Variants in CAND1 observed in about 807,000 individuals in gnomAD.
CAND1 encodes cullin-associated NEDD8-dissociated protein 1.
CAND1 carries 7 observed loss-of-function variants against 108.5 expected under a neutral mutation model. The ratio of observed to expected loss-of-function variants is 0.06; its 90% CI spans 0.04 to 0.12. The LOEUF is 0.12. CAND1 is among the 10% of genes least tolerant of loss of function. The pLI, the probability that CAND1 is intolerant of heterozygous loss-of-function variation, is 1.00. For synonymous variants in CAND1, 534 were observed against 512.0 expected (o/e 1.04, Z -0.58); for missense variants, 941 against 1,448.7 (o/e 0.65, Z 5.69).
At chr12:67,275,384 G>A (rs573320671) in intron 1 of CAND1, among the ~76,000 whole-genome samples, 5 of 152,064 alleles carry the variant, frequency 3.3e-5, no homozygotes, top group South Asian at 4.2e-4. Flanking sequence ...AAAATTAGCC[G>A]GGCATGGTGG....
chr12:67,278,668 A>G (rs1484288477), intron 1 of CAND1, among the ~76,000 whole-genome samples: 1 of 151,328 alleles, frequency 6.6e-6, no homozygotes, highest in African/African-American at 2.4e-5. Context: ...ACAGGTGTAC[A>G]CCACCACACC....
chr12:67,281,874 A>C, intron 1 of CAND1, 36 bp from the exon 2 acceptor site: 1 of 1,469,148 alleles, frequency 6.8e-7, no homozygotes, highest in Non-Finnish European at 9.2e-7. Context: ...TAATGCTTTA[A>C]AATTTTCAAA....
intron 2 of CAND1, among the ~76,000 whole-genome samples, chr12:67,287,005 G>A (rs925203289): frequency 6.6e-6 from 1 of 152,096 alleles, no homozygotes; most frequent in Non-Finnish European, 1.5e-5. Flanking sequence ...TGTTCCATTC[G>A]TTTATTTGTC....
Position 67,305,343 on chromosome 12 carries a change from T to C in CAND1, c.1675T>C (p.Phe559Leu), listed in dbSNP as rs1486595462. 6.2e-7 allele frequency: 1 copy of C among 1,614,028 alleles called. No homozygotes were observed. Among genetic ancestry groups the C allele is most frequent in the African/African-American group, 1.3e-5 (1 of 74,918 alleles). Residue 559 changes from phenylalanine to leucine, a missense_variant, in exon 10 of 15, where the codon TTT (phenylalanine) becomes CTT (leucine). Phe to Leu is a conservative substitution (Grantham distance 22, BLOSUM62 0). Transcript: ENST00000545606. This position sits in a 1 kb window ranked among gnomAD's most constrained non-coding sequence, Gnocchi z 4.4. ...VIRPLDQPSS[F>L]DATPYIKDLF... ...TCGTCCTTTAGATCAGCCTTCCTCG[T>C]TTGATGCAACTCCTTATATCAAAGA... is the stretch of plus-strand genomic sequence containing the variant.
chr12:67,297,259 A>G (rs1433227688), intron 4 of CAND1, 148 bp from the exon 5 acceptor site: 5 of 774,434 alleles, frequency 6.5e-6, no homozygotes, highest in Non-Finnish European at 6.7e-6. Flanking sequence ...AGATAAAGTG[A>G]TAATTTAATT....
At chr12:67,306,628 T>A (rs1312011499) in intron 10 of CAND1, 31 bp downstream of exon 10, 26 of 1,515,038 alleles carry the variant, frequency 1.7e-5, no homozygotes, top group Non-Finnish European at 2.3e-5. Context: ...ACTTAAAAAG[T>A]TTTTTATTGA....
intron 7 of CAND1, among the ~76,000 whole-genome samples, chr12:67,301,148 T>C (rs1295610656): frequency 6.6e-6 from 1 of 152,206 alleles, no homozygotes; most frequent in East Asian, 1.9e-4. Flanking sequence ...GCAGTATCTT[T>C]TAACTTTATT....
intron 1 of CAND1, among the ~76,000 whole-genome samples, chr12:67,278,494 C>G (rs1250247811): frequency 6.6e-6 from 1 of 151,630 alleles, no homozygotes; most frequent in Non-Finnish European, 1.5e-5. Context: ...GCAGTTCAGT[C>G]TAGGTCATGT....
chr12:67,302,297 C>T (rs2044832737), intron 7 of CAND1, 26 bp from the exon 8 acceptor site: 3 of 1,582,388 alleles, frequency 1.9e-6, no homozygotes, highest in Admixed American at 1.7e-5. Context: ...CATTAATAGC[C>T]TGTTTACATT....
Position 67,288,155 on chromosome 12 carries a change from T to A in CAND1, c.213-4467T>A, listed in dbSNP as rs557716149. ...TTCTGAATTTTTTTTTTTTTTTTTTTAGACTCCAGTCTGTCACCCAGGCTG... is the reference window on the plus strand; with the variant it reads ...TTCTGAATTTTTTTTTTTTTTTTTTAAGACTCCAGTCTGTCACCCAGGCTG... On this transcript the variant is annotated intron_variant, in intron 2 of 14. Transcript: ENST00000545606. Among the ~76,000 whole-genome samples the A allele has an allele frequency of 6.4e-3, 948 of 149,100 alleles. 14 individuals carry two copies. The highest frequency in any genetic ancestry group is 0.023 in the African/African-American group (904 of 39,778).
chr12:67,319,121 C>G lies in CAND1; in HGVS notation c.*6291C>G, dbSNP rs974660021. The G allele has an allele frequency of 6.6e-6, 1 of 152,102 alleles. No individual in the cohort carries two copies. The highest frequency in any genetic ancestry group is 2.4e-5 in the African/African-American group (1 of 41,410). The allele number at this position is 152,102 out of a possible 1,614,324, so 9.4% of individuals were successfully genotyped here. ...CTTGGAAACCACCACATTAAAATACCCAGAAGGCATTAATTCCCAGTCCTT... is the reference window on the plus strand; with the variant it reads ...CTTGGAAACCACCACATTAAAATACGCAGAAGGCATTAATTCCCAGTCCTT... On this transcript the variant is annotated 3_prime_UTR_variant, in exon 15 of 15. Coordinates refer to ENST00000545606, the MANE Select transcript of CAND1 (RefSeq NM_018448.5).
chr12:67,311,755 G>A lies in CAND1; in HGVS notation c.3423G>A (p.Arg1141=). ...STLCPSAVLQ[R]LDRLVEPLRA... ...TTTGTCCAAGTGCAGTACTGCAGAG[G>A]TTGGACCGACTTGTTGAGCCATTAC... The change falls in exon 14 of 15, where the codon AGG becomes AGA. Residue 1141 remains arginine, a synonymous_variant. Transcript: ENST00000545606. The A allele has an allele frequency of 6.2e-7, 1 of 1,612,424 alleles. No individual in the cohort carries two copies. Among genetic ancestry groups the A allele is most frequent in the Non-Finnish European group, 8.5e-7 (1 of 1,178,580 alleles).
chr12:67,316,456 G>A lies in CAND1; in HGVS notation c.*3626G>A, dbSNP rs536122113. On this transcript the variant is annotated 3_prime_UTR_variant, in exon 15 of 15. Transcript: ENST00000545606. ...AAAAGATTTTGTAAACACCTTTGCT[G>A]TAGTTTCAGGCAAGATCTTTCAGCA... The A allele has an allele frequency of 2.0e-5, 3 of 152,286 alleles. No homozygotes were observed. Among genetic ancestry groups the A allele is most frequent in the East Asian group, 3.9e-4 (2 of 5,192 alleles). 9.4% of individuals were successfully genotyped at this position (152,286 alleles called of 1,614,324 possible).
In CAND1 at chr12:67,274,587, T is replaced by C. The variant is rs191777863; in HGVS notation, c.68+4802T>C. Among the ~76,000 whole-genome samples the C allele has an allele frequency of 1.5e-3, 222 of 152,312 alleles. 2 individuals are homozygous for C. The highest frequency in any genetic ancestry group is 1.6e-3 in the Non-Finnish European group (106 of 68,024). On this transcript the variant is annotated intron_variant, in intron 1 of 14. Transcript: ENST00000545606. ...TCAGTAGGTGCTTGTTTAAGTAGAA[T>C]TGGGTTTTATTTCCATTATATAGGG... is the stretch of plus-strand genomic sequence containing the variant.
chr12:67,291,432 G>T (rs985657022), intron 2 of CAND1, among the ~76,000 whole-genome samples: 1 of 152,164 alleles, frequency 6.6e-6, no homozygotes, highest in Non-Finnish European at 1.5e-5. Flanking sequence ...GAAAGAAAGG[G>T]TCAAAGTTGG....
At chr12:67,301,169 T>C (rs987304085) in intron 7 of CAND1, among the ~76,000 whole-genome samples, 2 of 152,170 alleles carry the variant, frequency 1.3e-5, no homozygotes, top group African/African-American at 2.4e-5. Context: ...TGAATAGATA[T>C]TGGTAAATAA....
chr12:67,308,490 T>C (rs2044912501), intron 11 of CAND1, among the ~76,000 whole-genome samples: 1 of 152,110 alleles, frequency 6.6e-6, no homozygotes, highest in African/African-American at 2.4e-5. Context: ...TCTAGAAATA[T>C]CTTTCCATGT....
In CAND1 at chr12:67,313,112, G is replaced by A; in HGVS notation, c.*282G>A. 1 of 255,644 alleles carries A rather than the reference G, an allele frequency of 3.9e-6. No individual in the cohort carries two copies. Among genetic ancestry groups the A allele is most frequent in the South Asian group, 1.0e-4 (1 of 9,558 alleles). 15.8% of individuals were successfully genotyped at this position (255,644 alleles called of 1,614,324 possible). A position where few individuals can be genotyped will look rare whatever the true frequency, so the allele number is the denominator to read the frequency against. ...TAAAAGTTAGGATTTTATGGAGTAT[G>A]GAGATAGGGTCCAGTATCTATTTAC... On this transcript the variant is annotated 3_prime_UTR_variant, in exon 15 of 15. Coordinates refer to ENST00000545606, the MANE Select transcript of CAND1 (RefSeq NM_018448.5).
rs1186154475 is a variant in CAND1 at position 67,305,022 on chromosome 12, G to A, written c.1436-82G>A. 8.9e-7 allele frequency: 1 copy of A among 1,118,592 alleles called. No individual in the cohort carries two copies. The highest frequency in any genetic ancestry group is 1.6e-5 in the African/African-American group (1 of 63,812). The allele number at this position is 1,118,592 out of a possible 1,614,324, so 69.3% of individuals were successfully genotyped here. ...ATAATATAATGAAGTGGGAACATTA[G>A]CAGTACTATAGGGGTTGATTTTTAA... is the stretch of plus-strand genomic sequence containing the variant. On this transcript the variant is annotated intron_variant, in intron 9 of 14. Transcript: ENST00000545606. The surrounding 1 kb of genome is among the most constrained non-coding windows in gnomAD (Gnocchi z 4.4).
Sources: gnomAD v4.1 joint callset for allele counts (sites outside exome capture counted in the v4.1 genomes callset) on GRCh38, gnomAD v4.1.1 for gene constraint, Gnocchi (gnomAD v3.1) non-coding constraint, MANE v1.5 for transcripts, NCBI Gene and HGNC (gene_info 2026-07-23, HGNC 2026-07-21) for gene names.